SYT9: variants seen among roughly 807,000 people sequenced by gnomAD.
SYT9 encodes synaptotagmin 9, also known as synaptotagmin-9.
Under a neutral mutation model 48.4 loss-of-function variants are expected in SYT9, and 22 were observed. The ratio of observed to expected loss-of-function variants is 0.45; its 90% confidence interval spans 0.32 to 0.65. The LOEUF is 0.65. Ranked by LOEUF, SYT9 falls within the 30% of genes least tolerant of loss-of-function variation. The pLI is 0.03. For synonymous variants in SYT9, 265 were observed against 245.0 expected (o/e 1.08, Z -0.76); for missense variants, 577 against 622.0 (o/e 0.93, Z 0.77).
chr11:7,307,730 C>T (rs893241304), intron 2 of SYT9, among the ~76,000 whole-genome samples: 4 of 152,148 alleles, frequency 2.6e-5, no homozygotes, highest in Non-Finnish European at 5.9e-5. Context: ...TATACAGGGG[C>T]CTGTCTGAGG....
At chr11:7,400,192 A>G (rs1337526432) in intron 3 of SYT9, among the ~76,000 whole-genome samples, 1 of 152,232 alleles carries the variant, frequency 6.6e-6, no homozygotes. Flanking sequence ...GAAGTTTAGC[A>G]TGAATGATGC....
At position 7,298,216 on chromosome 11, in the gene SYT9, G is replaced by T. The variant is rs1251003754; in HGVS notation, c.146-4823G>T. ...CCAAGTCTCTGTTTTGTTTGGTTTT[G>T]TTTTTCTCGGTCTACGTTCAGGTAC... On this transcript the variant is annotated intron_variant, in intron 1 of 6. Transcript: ENST00000318881. 2.0e-5 allele frequency among the ~76,000 whole-genome samples: 3 copies of T among 151,878 alleles called. No homozygotes were observed. The East Asian group carries it at 5.8e-4, about 29-fold the overall frequency.
At chr11:7,317,319 G>T (rs1849260679) in intron 3 of SYT9, among the ~76,000 whole-genome samples, 1 of 152,158 alleles carries the variant, frequency 6.6e-6, no homozygotes, top group South Asian at 2.1e-4. Context: ...AACTTGGGCT[G>T]CCATAACAAA....
intron 1 of SYT9, among the ~76,000 whole-genome samples, chr11:7,245,340 A>C (rs955583215): frequency 1.3e-5 from 2 of 152,222 alleles, no homozygotes; most frequent in Non-Finnish European, 2.9e-5. Context: ...GATTAGTTAT[A>C]ATCATTAATG....
intron 1 of SYT9, among the ~76,000 whole-genome samples, chr11:7,294,318 A>T (rs747651547): frequency 6.6e-6 from 1 of 152,200 alleles, no homozygotes. Context: ...TTAACTGCAA[A>T]CTACATTCAT....
chr11:7,380,108 C>A (rs1054015634), intron 3 of SYT9, among the ~76,000 whole-genome samples: 1 of 152,020 alleles, frequency 6.6e-6, no homozygotes, highest in African/African-American at 2.4e-5. Flanking sequence ...TACTACTCAG[C>A]CATAAAAAGG....
chr11:7,300,949 C>T (rs1329295901), intron 1 of SYT9, among the ~76,000 whole-genome samples: 2 of 152,172 alleles, frequency 1.3e-5, no homozygotes, highest in African/African-American at 4.8e-5. Context: ...TGACTCCACT[C>T]CCTATCCCCC....
intron 3 of SYT9, among the ~76,000 whole-genome samples, chr11:7,404,112 G>A (rs1052214143): frequency 6.6e-6 from 1 of 151,958 alleles, no homozygotes; most frequent in Non-Finnish European, 1.5e-5. Context: ...ATTAGTATTA[G>A]TATGGCATTT....
intron 6 of SYT9, among the ~76,000 whole-genome samples, chr11:7,452,340 A>C (rs1848070656): frequency 6.6e-6 from 1 of 152,180 alleles, no homozygotes; most frequent in African/African-American, 2.4e-5. Context: ...TGTTCCCTGC[A>C]GTTCTCCTCA....
At chr11:7,358,743 A>G (rs1850070278) in intron 3 of SYT9, among the ~76,000 whole-genome samples, 1 of 152,148 alleles carries the variant, frequency 6.6e-6, no homozygotes, top group Non-Finnish European at 1.5e-5. Context: ...ACATTATTAG[A>G]TTGTCTAATG....
At chr11:7,378,965 C>G (rs978309662) in intron 3 of SYT9, among the ~76,000 whole-genome samples, 2 of 152,214 alleles carry the variant, frequency 1.3e-5, no homozygotes, top group Non-Finnish European at 2.9e-5. Context: ...AGCTAGCAAA[C>G]AACACTCAGT....
chr11:7,363,681 G>GA lies in SYT9; in HGVS notation c.1044+49744dup, dbSNP rs201647087. On this transcript the variant is annotated intron_variant, in intron 3 of 6. Coordinates refer to ENST00000318881, the MANE Select transcript of SYT9 (RefSeq NM_175733.4). ...AGTAGAAGCTTCCGCAAAGGAAATT[G>GA]AAAAGATAAAGTCAAAAAGGAGAGG... 5.8e-3 allele frequency among the ~76,000 whole-genome samples: 888 copies of GA among 152,260 alleles called. 15 individuals carry two copies. Among genetic ancestry groups the GA allele is most frequent in the Admixed American group, 0.037 (559 of 15,282 alleles).
chr11:7,247,086 A>G (rs1420747739), upstream of SYT9, among the ~76,000 whole-genome samples: 1 of 152,158 alleles, frequency 6.6e-6, no homozygotes, highest in Admixed American at 6.5e-5. Context: ...AAACTCTTTG[A>G]TGACTCTTTT....
At chr11:7,296,255 A>G (rs749713118) in intron 1 of SYT9, among the ~76,000 whole-genome samples, 17 of 152,256 alleles carry the variant, frequency 1.1e-4, no homozygotes, top group Non-Finnish European at 1.6e-4. Flanking sequence ...GTTAAAATGC[A>G]TATCTTGACT....
At chr11:7,397,266 C>A (rs551451001) in intron 3 of SYT9, among the ~76,000 whole-genome samples, 27 of 152,180 alleles carry the variant, frequency 1.8e-4, no homozygotes, top group African/African-American at 6.0e-4. Flanking sequence ...AAAAGAGTAT[C>A]CTTTATTAAA....
intron 6 of SYT9, among the ~76,000 whole-genome samples, chr11:7,443,894 A>T (rs1847879698): frequency 6.6e-6 from 1 of 152,234 alleles, no homozygotes; most frequent in Non-Finnish European, 1.5e-5. Context: ...GCTTCTATAG[A>T]GAATTTGGTC....
intron 6 of SYT9, among the ~76,000 whole-genome samples, chr11:7,453,454 C>G (rs1177088376): frequency 6.6e-6 from 1 of 152,198 alleles, no homozygotes; most frequent in Non-Finnish European, 1.5e-5. Context: ...ATGCCACATG[C>G]TATTCCCAAC....
chr11:7,276,584 TC>T (rs1000932643), intron 1 of SYT9, among the ~76,000 whole-genome samples: 5 of 152,322 alleles, frequency 3.3e-5, no homozygotes, highest in African/African-American at 1.2e-4. Flanking sequence ...CCCCACAGTT[TC>T]CTGCCTCCAT....
intron 1 of SYT9, among the ~76,000 whole-genome samples, chr11:7,244,219 A>G (rs1847769817): frequency 6.6e-6 from 1 of 152,218 alleles, no homozygotes; most frequent in Non-Finnish European, 1.5e-5. Context: ...TTAAAGTGAA[A>G]GAAATGGACT....
Sources: allele counts gnomAD v4.1 joint callset (sites outside exome capture counted in the v4.1 genomes callset), GRCh38; gene constraint gnomAD v4.1.1; transcripts MANE v1.5; gene names NCBI Gene and HGNC (gene_info 2026-07-23, HGNC 2026-07-21).